Variants in SLC7A9 observed in about 807,000 individuals in gnomAD.
SLC7A9 encodes B(0,+)-type amino acid transporter 1.
A neutral mutation model predicts 54.1 loss-of-function variants in SLC7A9; 38 were observed. That is an observed-to-expected ratio of 0.70 (90% confidence interval 0.54 to 0.92). The LOEUF is 0.92. Among genes scored for constraint, SLC7A9 ranks in the 40% least tolerant of loss-of-function variants. The pLI is 0.00. For missense variants in SLC7A9, 537 were observed against 636.1 expected (o/e 0.84, Z 1.68); for synonymous variants, 264 against 258.9 (o/e 1.02, Z -0.19).
chr19:32,834,926 G>A (rs947505934), intron 11 of SLC7A9, among the ~76,000 whole-genome samples: 2 of 152,078 alleles, frequency 1.3e-5, no homozygotes, highest in African/African-American at 4.8e-5. Flanking sequence ...AAGTAGCTGG[G>A]ATTACAGGCG....
intron 4 of SLC7A9, 41 bp from the exon 5 acceptor site, chr19:32,862,627 C>T: frequency 6.2e-7 from 1 of 1,608,658 alleles, no homozygotes; most frequent in Non-Finnish European, 8.5e-7. Flanking sequence ...TGGTTTTCAG[C>T]AAAGCCCTGG....
chr19:32,862,761 TC>T (rs1267316564), intron 4 of SLC7A9, 175 bp from the exon 5 acceptor site: 1 of 499,676 alleles, frequency 2.0e-6, no homozygotes, highest in Non-Finnish European at 3.1e-6. Context: ...AATCTTTGCC[TC>T]CCCGGTTCAA....
intron 2 of SLC7A9, among the ~76,000 whole-genome samples, chr19:32,865,904 A>G (rs1242850724): frequency 6.8e-6 from 1 of 146,716 alleles, no homozygotes; most frequent in African/African-American, 2.6e-5. Flanking sequence ...CATGAGGCAG[A>G]GGTTGCAGTG....
At chr19:32,849,212 C>T (rs1377066861) in intron 9 of SLC7A9, among the ~76,000 whole-genome samples, 1 of 151,944 alleles carries the variant, frequency 6.6e-6, no homozygotes, top group East Asian at 1.9e-4. Context: ...AATAGAGACA[C>T]AAAAAACCCT....
intron 2 of SLC7A9, among the ~76,000 whole-genome samples, chr19:32,866,033 A>G (rs1480115217): frequency 2.0e-5 from 3 of 151,718 alleles, no homozygotes; most frequent in Admixed American, 6.6e-5. Context: ...AAAAAGTCCA[A>G]CTCAAGCCCT....
At chr19:32,835,071 T>C (rs1270865620) in intron 11 of SLC7A9, among the ~76,000 whole-genome samples, 1 of 152,234 alleles carries the variant, frequency 6.6e-6, no homozygotes, top group Non-Finnish European at 1.5e-5. Context: ...ATTACAGGCA[T>C]GAGCCAATCA....
intron 11 of SLC7A9, among the ~76,000 whole-genome samples, chr19:32,833,659 G>A (rs566523572): frequency 2.0e-3 from 304 of 152,174 alleles, no homozygotes; most frequent in African/African-American, 6.2e-3. Flanking sequence ...TTAGCTGGGC[G>A]TGGTGGCAGG....
At chr19:32,854,942 G>A (rs1447132015) in intron 9 of SLC7A9, among the ~76,000 whole-genome samples, 1 of 151,998 alleles carries the variant, frequency 6.6e-6, no homozygotes, top group Non-Finnish European at 1.5e-5. Context: ...GCACTCCTAT[G>A]TACCTCTGGG....
intron 11 of SLC7A9, among the ~76,000 whole-genome samples, chr19:32,837,560 T>C (rs1967998581): frequency 7.2e-6 from 1 of 139,380 alleles, no homozygotes; most frequent in South Asian, 2.2e-4. Context: ...AATGTGCATA[T>C]AAATAACATG....
At chr19:32,837,541 A>G (rs1252793726) in intron 11 of SLC7A9, among the ~76,000 whole-genome samples, 2 of 152,028 alleles carry the variant, frequency 1.3e-5, no homozygotes, top group African/African-American at 4.8e-5. Context: ...TCCCAACCAA[A>G]AAACAGTAAA....
In SLC7A9 at chr19:32,836,273, T is replaced by A. The variant is rs529690621; in HGVS notation, c.1225-2950A>T. ...CATGTTTGCCAGGCTGGTCTTGAAC[T>A]CCTGACCTCAAGTGATGCAACCGCC... On this transcript the variant is annotated intron_variant, in intron 11 of 12. Coordinates refer to ENST00000023064, the MANE Select transcript of SLC7A9 (RefSeq NM_014270.5). Among the ~76,000 whole-genome samples, 7 of 152,144 alleles carry A rather than the reference T, an allele frequency of 4.6e-5. 1 individual carries two copies. Among genetic ancestry groups the A allele is most frequent in the African/African-American group, 1.7e-4 (7 of 41,434 alleles).
chr19:32,855,435 C>T (rs12459052), intron 9 of SLC7A9, among the ~76,000 whole-genome samples: 69,104 of 152,014 alleles, frequency 0.45, 15,994 homozygotes, highest in East Asian at 0.73. Context: ...CGCGGTGGCT[C>T]ACGCCTGTAA....
At position 32,864,285 on chromosome 19, in the gene SLC7A9, A is replaced by T. The variant is rs1175049316; in HGVS notation, c.289T>A (p.Tyr97Asn). The T allele has an allele frequency of 1.2e-6, 2 of 1,613,630 alleles. No individual in the cohort carries two copies. Among genetic ancestry groups the T allele is most frequent in the South Asian group, 2.2e-5 (2 of 91,066 alleles). ...CCGTAGGCCTCCATCAGGTAGGGATACTCTCCCCCTGACTTGGTGATCATT... is the reference window on the plus strand; with the variant it reads ...CCGTAGGCCTCCATCAGGTAGGGATTCTCTCCCCCTGACTTGGTGATCATT... ...GTMITKSGGE[Y>N]PYLMEAYGPI... Residue 97 changes from tyrosine to asparagine, a missense_variant, in exon 4 of 13, where the codon TAT becomes AAT. Transcript: ENST00000023064.
intron 9 of SLC7A9, among the ~76,000 whole-genome samples, chr19:32,857,571 G>T (rs1168932443): frequency 6.6e-6 from 1 of 152,180 alleles, no homozygotes; most frequent in Non-Finnish European, 1.5e-5. Context: ...TTTGGCTTTA[G>T]AAGAATGATT....
chr19:32,842,838 C>T (rs148748923), intron 10 of SLC7A9, among the ~76,000 whole-genome samples: 37 of 151,970 alleles, frequency 2.4e-4, no homozygotes, highest in African/African-American at 8.5e-4. Context: ...GGTAAAAAAC[C>T]GCAATTACTT....
rs754577909 is a variant in SLC7A9, at chr19:32,830,589, C to T, written c.*31G>A. 3.9e-6 allele frequency: 6 copies of T among 1,548,876 alleles called. No individual in the cohort carries two copies. Among genetic ancestry groups the T allele is most frequent in the Admixed American group, 1.7e-5 (1 of 59,922 alleles). ...CAAATATTGCTTAAGAAAATAAATT[C>T]AGCTGACTTGGCTACAAGAGACGGA... On this transcript the variant is annotated 3_prime_UTR_variant, in exon 13 of 13. Coordinates refer to ENST00000023064, the MANE Select transcript of SLC7A9 (RefSeq NM_014270.5).
chr19:32,834,783 G>T (rs1476594491), intron 11 of SLC7A9, among the ~76,000 whole-genome samples: 1 of 152,024 alleles, frequency 6.6e-6, no homozygotes, highest in East Asian at 1.9e-4. Context: ...TCCTTTGACT[G>T]TGTTTTTTTG....
chr19:32,852,203 A>G (rs1277319239), intron 9 of SLC7A9, among the ~76,000 whole-genome samples: 1 of 152,016 alleles, frequency 6.6e-6, no homozygotes, highest in Non-Finnish European at 1.5e-5. Flanking sequence ...AGAAGAATTG[A>G]TATCAGGCCA....
intron 9 of SLC7A9, among the ~76,000 whole-genome samples, chr19:32,848,024 C>T (rs888812470): frequency 6.6e-6 from 1 of 151,740 alleles, no homozygotes; most frequent in African/African-American, 2.4e-5. Flanking sequence ...CCTAAAAGAG[C>T]TCCTGAAGGA....
Sources: allele counts gnomAD v4.1 joint callset (sites outside exome capture counted in the v4.1 genomes callset), GRCh38; gene constraint gnomAD v4.1.1; transcripts MANE v1.5; gene names NCBI Gene and HGNC (gene_info 2026-07-23, HGNC 2026-07-21).